MTUS2: variants seen among roughly 807,000 people sequenced by gnomAD.
MTUS2 encodes microtubule-associated tumor suppressor candidate 2.
MTUS2 carries 40 observed loss-of-function variants against 114.1 expected under a neutral mutation model. The ratio of observed to expected loss-of-function variants is 0.35; its 90% confidence interval spans 0.27 to 0.46. MTUS2 has a LOEUF of 0.46. Ranked by LOEUF, MTUS2 falls within the 20% of genes least tolerant of loss-of-function variation. MTUS2 has a pLI of 1.00. For missense variants in MTUS2, 1,679 were observed against 1,705.4 expected (o/e 0.98, Z 0.27); for synonymous variants, 688 against 672.0 (o/e 1.02, Z -0.37).
chr13:29,149,109 T>C (rs1892563811), intron 5 of MTUS2, among the ~76,000 whole-genome samples: 1 of 152,202 alleles, frequency 6.6e-6, no homozygotes, highest in African/African-American at 2.4e-5. Flanking sequence ...CCACACCATC[T>C]TCCACAATGT....
At chr13:29,294,776 G>C (rs557841200) in intron 6 of MTUS2, among the ~76,000 whole-genome samples, 51 of 152,324 alleles carry the variant, frequency 3.3e-4, no homozygotes, top group South Asian at 4.1e-4. Context: ...GAGCCTGATT[G>C]TCCAGGGTTT....
At chr13:29,386,269 G>A (rs1053095785) in intron 8 of MTUS2, among the ~76,000 whole-genome samples, 1 of 152,156 alleles carries the variant, frequency 6.6e-6, no homozygotes, top group African/African-American at 2.4e-5. Context: ...AGGGAGATGG[G>A]ACTCAACTGT....
At chr13:28,896,760 C>T (rs1879296451) in intron 2 of MTUS2, among the ~76,000 whole-genome samples, 1 of 152,168 alleles carries the variant, frequency 6.6e-6, no homozygotes. Context: ...TATCTACAAC[C>T]ATCTGATCTT....
chr13:29,426,476 C>T (rs920042663), intron 8 of MTUS2, among the ~76,000 whole-genome samples: 7 of 152,204 alleles, frequency 4.6e-5, no homozygotes, highest in Admixed American at 6.5e-5. Context: ...TAGTGCGAAT[C>T]CAGAATTTTT....
At chr13:28,989,967 C>T (rs1419707100) in intron 2 of MTUS2, among the ~76,000 whole-genome samples, 1 of 152,032 alleles carries the variant, frequency 6.6e-6, no homozygotes, top group African/African-American at 2.4e-5. Context: ...GCCTGTGTGC[C>T]TGGCCCCTCT....
intron 4 of MTUS2, among the ~76,000 whole-genome samples, chr13:29,072,886 A>G (rs1032188469): frequency 4.6e-5 from 7 of 152,198 alleles, no homozygotes; most frequent in African/African-American, 1.4e-4. Flanking sequence ...AACAGTGTCT[A>G]TTTATAAGCA....
intron 2 of MTUS2, among the ~76,000 whole-genome samples, chr13:28,975,378 A>C (rs571980941): frequency 6.6e-6 from 1 of 152,336 alleles, no homozygotes; most frequent in East Asian, 1.9e-4. Flanking sequence ...CCGGCCCTGA[A>C]GTCCTGTTAG....
intron 14 of MTUS2, among the ~76,000 whole-genome samples, 156 bp downstream of exon 14, chr13:29,498,693 C>T (rs981345176): frequency 6.6e-6 from 1 of 152,122 alleles, no homozygotes; most frequent in African/African-American, 2.4e-5. Flanking sequence ...CCCAGGAATC[C>T]AGGAGCTCTC....
At chr13:29,207,737 G>A (rs778312305) in intron 5 of MTUS2, among the ~76,000 whole-genome samples, 8 of 151,978 alleles carry the variant, frequency 5.3e-5, no homozygotes, top group South Asian at 2.1e-4. Context: ...ATTGACTTGC[G>A]TATATTAAAC....
At chr13:29,038,931 G>A (rs1887211908) in intron 4 of MTUS2, among the ~76,000 whole-genome samples, 1 of 152,204 alleles carries the variant, frequency 6.6e-6, no homozygotes, top group African/African-American at 2.4e-5. Flanking sequence ...GGGGTGCCGG[G>A]CCTTCCAAAG....
chr13:28,871,580 T>TA (rs1425988943), intron 2 of MTUS2, among the ~76,000 whole-genome samples: 3 of 152,236 alleles, frequency 2.0e-5, no homozygotes, highest in Non-Finnish European at 4.4e-5. Context: ...ACTACTCTAT[T>TA]AATCACTCAG....
chr13:29,250,826 G>A (rs190679435), intron 5 of MTUS2, among the ~76,000 whole-genome samples: 28 of 152,032 alleles, frequency 1.8e-4, no homozygotes, highest in African/African-American at 6.3e-4. Flanking sequence ...TTTATTACCC[G>A]TAAATTTCAA....
At chr13:28,897,603 G>A (rs1327869862) in intron 2 of MTUS2, among the ~76,000 whole-genome samples, 4 of 151,030 alleles carry the variant, frequency 2.6e-5, no homozygotes, top group Non-Finnish European at 3.0e-5. Context: ...ACACACACAT[G>A]TATGTTTACT....
At chr13:28,906,696 A>T (rs1593289340) in intron 2 of MTUS2, among the ~76,000 whole-genome samples, 1 of 151,500 alleles carries the variant, frequency 6.6e-6, no homozygotes, top group Non-Finnish European at 1.5e-5. Context: ...ATTTTGGGAT[A>T]GGTGTGGTGT....
intron 5 of MTUS2, among the ~76,000 whole-genome samples, chr13:29,170,545 TA>T (rs1421634789): frequency 6.6e-6 from 1 of 152,232 alleles, no homozygotes; most frequent in Non-Finnish European, 1.5e-5. Context: ...ATGATTTATA[TA>T]AAAATGCTGA....
At chr13:29,083,752 C>G (rs1056754588) in intron 4 of MTUS2, among the ~76,000 whole-genome samples, 1 of 152,134 alleles carries the variant, frequency 6.6e-6, no homozygotes. Context: ...TTACATTGAG[C>G]CATACTAACT....
chr13:29,039,717 T>A (rs961395537), intron 4 of MTUS2, among the ~76,000 whole-genome samples: 5 of 152,258 alleles, frequency 3.3e-5, no homozygotes, highest in Non-Finnish European at 7.3e-5. Flanking sequence ...TACACTTGGA[T>A]ACTCTTTCAA....
intron 5 of MTUS2, among the ~76,000 whole-genome samples, chr13:29,214,056 A>G (rs1201408378): frequency 2.0e-5 from 3 of 152,034 alleles, no homozygotes; most frequent in Non-Finnish European, 2.9e-5. Context: ...TTCAAGTGGT[A>G]TTATATCACT....
chr13:29,032,594 G>T (rs964128202), intron 3 of MTUS2, among the ~76,000 whole-genome samples: 8 of 152,278 alleles, frequency 5.3e-5, no homozygotes, highest in African/African-American at 1.9e-4. Flanking sequence ...TATAGCCAAG[G>T]ACTATCTACT....
Sources: gnomAD v4.1 joint callset for allele counts (sites outside exome capture counted in the v4.1 genomes callset) on GRCh38, gnomAD v4.1.1 for gene constraint, MANE v1.5 for transcripts, NCBI Gene and HGNC (gene_info 2026-07-23, HGNC 2026-07-21) for gene names.